Variants in CHRM3 observed in about 807,000 individuals in gnomAD.
The protein encoded by CHRM3 is cholinergic receptor muscarinic 3.
A neutral mutation model predicts 41.8 loss-of-function variants in CHRM3; 11 were observed. That is an observed-to-expected ratio of 0.26 (90% confidence interval 0.17 to 0.44). The LOEUF is 0.44. Among genes scored for constraint, CHRM3 ranks in the 20% least tolerant of loss-of-function variants. CHRM3 has a pLI of 1.00. For missense variants in CHRM3, 571 were observed against 745.4 expected (o/e 0.77, Z 2.72); for synonymous variants, 297 against 301.4 (o/e 0.99, Z 0.15).
chr1:239,466,113 C>T (rs1572396332), intron 1 of CHRM3, among the ~76,000 whole-genome samples: 1 of 152,248 alleles, frequency 6.6e-6, no homozygotes, highest in East Asian at 1.9e-4. Context: ...CCTGCCTCAG[C>T]CTCTTGAGTA....
In CHRM3 at chr1:239,449,519, T is replaced by C. The variant is rs567293003; in HGVS notation, c.-520-43190T>C. On this transcript the variant is annotated intron_variant, in intron 1 of 6. Transcript: ENST00000676153. ...GGTGGGTACTATTTAGAAAATGATT[T>C]TTTATACTCTATTCCACTAGTTGAT... 2.0e-5 allele frequency among the ~76,000 whole-genome samples: 3 copies of C among 152,240 alleles called. No homozygotes were observed. The South Asian group carries it at 6.2e-4, about 32-fold the overall frequency.
intron 6 of CHRM3, among the ~76,000 whole-genome samples, chr1:239,847,552 GGGAAAAATAAGTCAA>G (rs1001978086): frequency 4.9e-5 from 7 of 143,126 alleles, no homozygotes; most frequent in Non-Finnish European, 7.4e-5. Context: ...AAATAAGTCA[GGGAAAAATAAGTCAA>G]GGAAAAATAA....
intron 5 of CHRM3, among the ~76,000 whole-genome samples, chr1:239,717,952 G>T (rs779714632): frequency 2.0e-5 from 3 of 151,990 alleles, no homozygotes; most frequent in Non-Finnish European, 4.4e-5. Context: ...TTTTCTATTT[G>T]TCTACTTCAT....
chr1:239,804,105 C>T (rs924600122), intron 5 of CHRM3, among the ~76,000 whole-genome samples: 9 of 152,198 alleles, frequency 5.9e-5, no homozygotes, highest in African/African-American at 2.2e-4. Context: ...GAGCTTTTAT[C>T]TCTCCTTAGT....
intron 5 of CHRM3, among the ~76,000 whole-genome samples, chr1:239,708,678 A>G (rs1413012058): frequency 1.5e-5 from 2 of 135,072 alleles, no homozygotes; most frequent in Non-Finnish European, 3.2e-5. Context: ...GAAAGGGCCA[A>G]TTTTTGCCAA....
At chr1:239,710,887 A>T (rs925651254) in intron 5 of CHRM3, among the ~76,000 whole-genome samples, 4 of 151,866 alleles carry the variant, frequency 2.6e-5, no homozygotes, top group Non-Finnish European at 2.9e-5. Context: ...CATTCATGCT[A>T]TACCTCCCAC....
At chr1:239,489,367 C>T (rs1433869105) in intron 1 of CHRM3, among the ~76,000 whole-genome samples, 1 of 151,718 alleles carries the variant, frequency 6.6e-6, no homozygotes, top group Non-Finnish European at 1.5e-5. Flanking sequence ...GAGCTGAGAT[C>T]GCGCCATTGC....
intron 1 of CHRM3, among the ~76,000 whole-genome samples, chr1:239,489,663 T>C (rs918698287): frequency 2.2e-4 from 34 of 152,324 alleles, no homozygotes; most frequent in African/African-American, 6.7e-4. Flanking sequence ...TTTGGGGGGC[T>C]TTAAGAATAT....
intron 5 of CHRM3, among the ~76,000 whole-genome samples, chr1:239,815,128 T>C (rs77926615): frequency 0.019 from 2,833 of 152,338 alleles, 24 homozygotes; most frequent in Middle Eastern, 0.037. Context: ...TTGATCTTTT[T>C]TGATGCAGTT....
intron 1 of CHRM3, among the ~76,000 whole-genome samples, chr1:239,439,423 G>A (rs112849244): frequency 0.022 from 3,288 of 152,124 alleles, 135 homozygotes; most frequent in African/African-American, 0.072. Flanking sequence ...TATTTCCTGC[G>A]GACAGTAACA....
At chr1:239,752,338 C>G (rs1456184726) in intron 5 of CHRM3, among the ~76,000 whole-genome samples, 1 of 152,146 alleles carries the variant, frequency 6.6e-6, no homozygotes, top group Admixed American at 6.6e-5. Context: ...CTATTTCTGT[C>G]AGAGAAGAGA....
At chr1:239,711,671 C>T (rs548126952) in intron 5 of CHRM3, among the ~76,000 whole-genome samples, 19 of 150,452 alleles carry the variant, frequency 1.3e-4, no homozygotes, top group Non-Finnish European at 2.8e-4. Flanking sequence ...CCCCATTTCC[C>T]GCTCTCTCAC....
intron 5 of CHRM3, among the ~76,000 whole-genome samples, chr1:239,797,330 C>T (rs1215971047): frequency 6.6e-6 from 1 of 151,310 alleles, no homozygotes; most frequent in African/African-American, 2.4e-5. Flanking sequence ...CAAACCTGCA[C>T]ATGTACCCCT....
At chr1:239,486,315 AT>A (rs1383065629) in intron 1 of CHRM3, among the ~76,000 whole-genome samples, 1 of 152,122 alleles carries the variant, frequency 6.6e-6, no homozygotes, top group Non-Finnish European at 1.5e-5. Context: ...CTTGGTCTTC[AT>A]TTATCATAGT....
At chr1:239,579,705 G>C (rs2148581320) in intron 3 of CHRM3, among the ~76,000 whole-genome samples, 1 of 152,104 alleles carries the variant, frequency 6.6e-6, no homozygotes, top group Admixed American at 6.6e-5. Flanking sequence ...TTTGTATTTT[G>C]GACTTTTTAA....
chr1:239,441,628 T>A (rs777113157), intron 1 of CHRM3, among the ~76,000 whole-genome samples: 4 of 152,222 alleles, frequency 2.6e-5, no homozygotes, highest in African/African-American at 4.8e-5. Context: ...GAAAGGTCCA[T>A]GGACATAGAC....
chr1:239,404,468 A>AAGAAAGAAAG (rs397954107), intron 1 of CHRM3, among the ~76,000 whole-genome samples: 1 of 90,294 alleles, frequency 1.1e-5, no homozygotes, highest in African/African-American at 3.5e-5. Flanking sequence ...GAAAGAAAGA[A>AAGAAAGAAAG]AAAGAAAGAA....
intron 6 of CHRM3, among the ~76,000 whole-genome samples, chr1:239,849,580 A>G (rs1674533644): frequency 6.6e-6 from 1 of 152,210 alleles, no homozygotes; most frequent in African/African-American, 2.4e-5. Flanking sequence ...GCAAAAGACA[A>G]AAAGAACCTA....
intron 4 of CHRM3, among the ~76,000 whole-genome samples, chr1:239,649,688 A>T (rs1672064510): frequency 6.6e-6 from 1 of 152,052 alleles, no homozygotes; most frequent in Non-Finnish European, 1.5e-5. Flanking sequence ...TAAACTGAGG[A>T]TGGGTGAGAA....
Sources: allele counts gnomAD v4.1 joint callset (sites outside exome capture counted in the v4.1 genomes callset), GRCh38; gene constraint gnomAD v4.1.1; transcripts MANE v1.5; gene names NCBI Gene and HGNC (gene_info 2026-07-23, HGNC 2026-07-21).